PSD3: variants seen among roughly 807,000 people sequenced by gnomAD.
The protein encoded by PSD3 is PH and SEC7 domain-containing protein 3.
In PSD3, 49 loss-of-function variants were observed where a neutral mutation model predicts 105.5. The ratio of observed to expected loss-of-function variants is 0.46; its 90% CI spans 0.37 to 0.59. PSD3 has a LOEUF of 0.59. Ranked by LOEUF, PSD3 falls within the 20% of genes least tolerant of loss-of-function variation. The pLI is 0.00. For synonymous variants in PSD3, 557 were observed against 457.8 expected, an observed-to-expected ratio of 1.22 and a Z score of -2.77; for missense variants, 1,561 against 1,263.8, an observed-to-expected ratio of 1.24 and a Z score of -3.57.
In PSD3 at chr8:18,678,020, A is replaced by AC. The variant is rs1408335740; in HGVS notation, c.2173-22336_2173-22335insG. Among the ~76,000 whole-genome samples, 21 of 151,718 alleles carry AC rather than the reference A, an allele frequency of 1.4e-4. No homozygotes were observed. In the South Asian group the frequency reaches 1.7e-3, roughly 12 times the overall value. On this transcript the variant is annotated intron_variant, in intron 9 of 15. Coordinates refer to ENST00000327040, the MANE Select transcript of PSD3 (RefSeq NM_015310.4). ...GCGAGACTCTGTCTCAAAAAAAAAA[A>AC]AACAAAGTAAACAAAAAAACCCACA...
Position 18,551,759 on chromosome 8 carries a change from T to A in PSD3, c.2928+4450A>T, listed in dbSNP as rs192305194. ...TTTCAGTCATGAGGGAAGTGGACAT[T>A]CTCTTTTTTCCTGCTGGATTGGAAC... On this transcript the variant is annotated intron_variant, in intron 15 of 15. Coordinates refer to ENST00000327040, the MANE Select transcript of PSD3 (RefSeq NM_015310.4). Among the ~76,000 whole-genome samples the A allele has an allele frequency of 5.9e-5, 9 of 152,288 alleles. No individual in the cohort carries two copies. In the East Asian group the frequency reaches 1.7e-3, roughly 29 times the overall value.
chr8:18,900,858 G>C (rs1819459156), intron 2 of PSD3, among the ~76,000 whole-genome samples: 1 of 152,052 alleles, frequency 6.6e-6, no homozygotes, highest in Non-Finnish European at 1.5e-5. Context: ...ACATGGAGCT[G>C]TTAGCATCAC....
intron 1 of PSD3, among the ~76,000 whole-genome samples, chr8:18,963,761 A>T (rs1017335112): frequency 1.3e-5 from 2 of 152,240 alleles, no homozygotes; most frequent in African/African-American, 4.8e-5. Flanking sequence ...ATATTTTAAG[A>T]CTTTGTTCAT....
intron 2 of PSD3, among the ~76,000 whole-genome samples, chr8:18,927,335 T>C (rs187119175): frequency 8.7e-4 from 132 of 152,192 alleles, no homozygotes; most frequent in Admixed American, 2.7e-3. Context: ...TGCCTCAGCC[T>C]CCCGAGTAGC....
At chr8:18,771,301 T>C (rs1807507249) in intron 8 of PSD3, among the ~76,000 whole-genome samples, 1 of 152,232 alleles carries the variant, frequency 6.6e-6, no homozygotes. Flanking sequence ...ACCCATCCTC[T>C]TCTGCCCAGA....
intron 1 of PSD3, among the ~76,000 whole-genome samples, chr8:18,947,798 C>T (rs962156477): frequency 2.6e-5 from 4 of 152,152 alleles, no homozygotes; most frequent in South Asian, 2.1e-4. Flanking sequence ...TACCCGAGGG[C>T]TTCTTACCAA....
At chr8:18,910,359 C>G (rs1233857576) in intron 2 of PSD3, among the ~76,000 whole-genome samples, 1 of 132,086 alleles carries the variant, frequency 7.6e-6, no homozygotes, top group African/African-American at 2.9e-5. Context: ...AAATTGGAAA[C>G]CATCATTCTC....
In PSD3 at chr8:18,781,502, C is replaced by T. The variant is rs372991592; in HGVS notation, c.2083-15964G>A. Among the ~76,000 whole-genome samples the T allele has an allele frequency of 5.9e-5, 9 of 152,228 alleles. No individual in the cohort carries two copies. The East Asian group carries it at 1.4e-3, about 23-fold the overall frequency. Reference sequence around the variant, plus strand: ...TCTTTGGCCTCTCATATTCCTTGAACTTTGGGGGTAGGGTTGTATAGACTT... The same window carrying T: ...TCTTTGGCCTCTCATATTCCTTGAATTTTGGGGGTAGGGTTGTATAGACTT... On this transcript the variant is annotated intron_variant, in intron 8 of 15. Transcript: ENST00000327040.
At chr8:19,042,765 T>C (rs1382092585) in intron 1 of PSD3, among the ~76,000 whole-genome samples, 2 of 152,226 alleles carry the variant, frequency 1.3e-5, no homozygotes, top group African/African-American at 4.8e-5. Context: ...TCACTTATAA[T>C]GTTTGAGTTT....
chr8:18,872,511 G>T lies in PSD3; in HGVS notation c.353C>A (p.Pro118His). The change falls in exon 3 of 16, where the codon CCC (proline) becomes CAC (histidine). Residue 118 changes from proline to histidine, a missense_variant. Physicochemically the swap from Pro to His is moderately conservative, Grantham distance 77 (BLOSUM62 -2). Coordinates refer to ENST00000327040, the MANE Select transcript of PSD3 (RefSeq NM_015310.4). ...TEGPKDVREA[P>H]SQSHLKEQSL... ...TTGTTCCTTGAGATGACTTTGAGAG[G>T]GGGCCTCTCTGACATCTTTTGGTCC... 5.6e-6 allele frequency: 9 copies of T among 1,614,064 alleles called. No individual in the cohort carries two copies. The highest frequency in any genetic ancestry group is 7.6e-6 in the Non-Finnish European group (9 of 1,180,004).
intron 9 of PSD3, among the ~76,000 whole-genome samples, chr8:18,735,568 C>T (rs73593542): frequency 0.041 from 6,237 of 152,200 alleles, 410 homozygotes; most frequent in African/African-American, 0.14. Flanking sequence ...GTAGGTTCTA[C>T]AAGCACAGTT....
At chr8:19,049,462 G>A (rs1427892931) in intron 1 of PSD3, among the ~76,000 whole-genome samples, 2 of 152,112 alleles carry the variant, frequency 1.3e-5, no homozygotes, top group African/African-American at 4.8e-5. Flanking sequence ...GGCCACGGCA[G>A]GAGAAATGCT....
chr8:19,032,110 G>A (rs1312943860), intron 1 of PSD3, among the ~76,000 whole-genome samples: 1 of 151,958 alleles, frequency 6.6e-6, no homozygotes, highest in Non-Finnish European at 1.5e-5. Context: ...TGAAACCAAT[G>A]GACCCTACCT....
chr8:18,757,295 A>T (rs1806130231), intron 9 of PSD3, among the ~76,000 whole-genome samples: 2 of 147,242 alleles, frequency 1.4e-5, no homozygotes, highest in Admixed American at 1.4e-4. Flanking sequence ...TCTACCAAAA[A>T]TACAAAAAAA....
At chr8:18,556,824 A>T (rs530066691) in intron 14 of PSD3, among the ~76,000 whole-genome samples, 5 of 152,374 alleles carry the variant, frequency 3.3e-5, no homozygotes, top group Admixed American at 2.6e-4. Context: ...TGAAAGAAGC[A>T]GAGCTACGAA....
intron 1 of PSD3, among the ~76,000 whole-genome samples, chr8:19,002,165 C>T (rs1427161607): frequency 6.6e-6 from 1 of 152,058 alleles, no homozygotes; most frequent in Non-Finnish European, 1.5e-5. Flanking sequence ...ACTGCTAAAG[C>T]TGTTGGCCAG....
At chr8:19,034,892 G>A (rs1827891665) in intron 1 of PSD3, among the ~76,000 whole-genome samples, 1 of 152,066 alleles carries the variant, frequency 6.6e-6, no homozygotes, top group Non-Finnish European at 1.5e-5. Context: ...CCCTCCCTCT[G>A]CATCCCCTCT....
intron 10 of PSD3, among the ~76,000 whole-genome samples, chr8:18,644,826 A>G (rs1037178680): frequency 2.0e-5 from 3 of 152,220 alleles, no homozygotes; most frequent in Admixed American, 6.5e-5. Flanking sequence ...GGTTGCTGTG[A>G]AAGAATTCCA....
chr8:18,582,249 G>A (rs1374466800), intron 12 of PSD3, among the ~76,000 whole-genome samples: 4 of 152,112 alleles, frequency 2.6e-5, no homozygotes, highest in African/African-American at 4.8e-5. Flanking sequence ...TCTCCAATCT[G>A]CCTTCCACGC....
Sources: gnomAD v4.1 joint callset for allele counts (sites outside exome capture counted in the v4.1 genomes callset) on GRCh38, gnomAD v4.1.1 for gene constraint, MANE v1.5 for transcripts, NCBI Gene and HGNC (gene_info 2026-07-23, HGNC 2026-07-21) for gene names.